CPT1A: variants seen among roughly 807,000 people sequenced by gnomAD.
CPT1A encodes the protein carnitine palmitoyltransferase 1A.
In CPT1A, 64 loss-of-function variants were observed where a neutral mutation model predicts 100.8. The observed-to-expected ratio is 0.63, with a 90% CI of 0.52 to 0.78. CPT1A has a LOEUF of 0.78. Among genes scored for constraint, CPT1A ranks in the 30% least tolerant of loss-of-function variants. CPT1A has a pLI of 0.00. For synonymous variants in CPT1A, 363 were observed against 396.0 expected (o/e 0.92, Z 0.99); for missense variants, 802 against 1,034.1 (o/e 0.78, Z 3.08).
rs1305603427 is a variant in CPT1A at position 68,784,858 on chromosome 11, G to A, written c.1120C>T (p.Gln374Ter). The part of the protein sequence containing the change: ...QRILDNTSEP[Q>*]PGEARLAALT... ...GCTGCCAGCCTGGCCTCCCCGGGCT[G>A]AGGCTCCGAGGTATTGTCCAGGATC... Residue 374 changes from glutamine to a stop codon, truncating the protein, a stop_gained, in exon 10 of 19, where the codon CAG becomes TAG. Coordinates refer to ENST00000265641, the MANE Select transcript of CPT1A (RefSeq NM_001876.4). LOFTEE classifies it high-confidence loss of function. 1 of 1,613,220 alleles carries A rather than the reference G, an allele frequency of 6.2e-7. No individual in the cohort carries two copies. The highest frequency in any genetic ancestry group is 8.5e-7 in the Non-Finnish European group (1 of 1,180,040).
intron 9 of CPT1A, among the ~76,000 whole-genome samples, chr11:68,791,108 G>A (rs1855601601): frequency 6.6e-6 from 1 of 152,206 alleles, no homozygotes; most frequent in South Asian, 2.1e-4. Context: ...ACAGGAATGA[G>A]CCTTTGTGCC....
intron 1 of CPT1A, among the ~76,000 whole-genome samples, chr11:68,826,441 CA>C (rs1225143166): frequency 8.4e-4 from 105 of 125,470 alleles, no homozygotes; most frequent in Admixed American, 3.3e-3. Flanking sequence ...GACTCCGTCT[CA>C]AAAAAAAAAA....
At chr11:68,802,347 A>T (rs1855924481) in intron 5 of CPT1A, among the ~76,000 whole-genome samples, 1 of 151,470 alleles carries the variant, frequency 6.6e-6, no homozygotes, top group South Asian at 2.1e-4. Flanking sequence ...TCAATTAAAG[A>T]AAAAAAAAGA....
intron 7 of CPT1A, 152 bp from the exon 8 acceptor site, chr11:68,795,063 G>C (rs1018183028): frequency 1.1e-5 from 8 of 699,938 alleles, no homozygotes; most frequent in Non-Finnish European, 1.8e-5. Context: ...CAAAATAAAT[G>C]GTAATTTGAT....
intron 14 of CPT1A, among the ~76,000 whole-genome samples, chr11:68,766,826 G>GAA (rs11306055): frequency 1.2e-3 from 171 of 138,436 alleles, no homozygotes; most frequent in African/African-American, 4.2e-3. Flanking sequence ...TATCAAGGAG[G>GAA]AAAAAAAAAA....
At chr11:68,767,230 C>T (rs866210373) in intron 14 of CPT1A, among the ~76,000 whole-genome samples, 63 of 152,368 alleles carry the variant, frequency 4.1e-4, no homozygotes, top group African/African-American at 1.5e-3. Flanking sequence ...CTATGAGCCA[C>T]AGTCTGCAGA....
upstream of CPT1A, among the ~76,000 whole-genome samples, chr11:68,843,123 C>T (rs980144001): frequency 2.0e-5 from 3 of 151,916 alleles, no homozygotes; most frequent in African/African-American, 7.3e-5. This position sits in a 1 kb window ranked among gnomAD's most constrained non-coding sequence, Gnocchi z 4.0. Context: ...CCTTTGATCC[C>T]GCCCCCCACC....
intron 9 of CPT1A, among the ~76,000 whole-genome samples, chr11:68,787,921 T>G: frequency 3.1e-5 from 4 of 128,076 alleles, no homozygotes; most frequent in African/African-American, 6.1e-5. Flanking sequence ...CCAGCCTGGG[T>G]GACAGAATGA....
At position 68,757,663 on chromosome 11, in the gene CPT1A, C is replaced by A; in HGVS notation, c.2303G>T (p.Ser768Ile). The A allele has an allele frequency of 1.2e-6, 2 of 1,614,144 alleles. No individual in the cohort carries two copies. The highest frequency in any genetic ancestry group is 1.7e-6 in the Non-Finnish European group (2 of 1,180,010). Reference protein sequence around the residue: ...MTDIITLFGLSSNSKK With the variant: ...MTDIITLFGLISNSKK ...GTGGAATTACTTTTTGGAATTAGAA[C>A]TGAGACCAAACAAAGTGATGATGTC... is the stretch of plus-strand genomic sequence containing the variant. The change falls in exon 19 of 19, where the codon AGT becomes ATT. Residue 768 changes from serine to isoleucine, a missense_variant. This residue lies in a region of CPT1A where 627 missense variants were observed against 799.3 expected (regional missense o/e 0.78). Transcript: ENST00000265641.
intron 18 of CPT1A, among the ~76,000 whole-genome samples, chr11:68,758,318 C>A (rs1946733145): frequency 6.6e-6 from 1 of 152,148 alleles, no homozygotes; most frequent in Non-Finnish European, 1.5e-5. Context: ...AACAAATAAA[C>A]CCCAACTTCC....
chr11:68,788,878 G>T (rs562261560), intron 9 of CPT1A, among the ~76,000 whole-genome samples: 1 of 152,248 alleles, frequency 6.6e-6, no homozygotes, highest in East Asian at 1.9e-4. Context: ...CACTTTGAGG[G>T]TAATTTGTCC....
intron 1 of CPT1A, among the ~76,000 whole-genome samples, chr11:68,822,194 A>G (rs910138702): frequency 6.6e-6 from 1 of 152,038 alleles, no homozygotes; most frequent in African/African-American, 2.4e-5. Context: ...CCTGCGCAAC[A>G]TGGCAAGCCC....
intron 13 of CPT1A, 71 bp from the exon 14 acceptor site, chr11:68,773,500 T>C (rs1299074712): frequency 6.8e-6 from 11 of 1,607,890 alleles, no homozygotes; most frequent in East Asian, 2.2e-5. Context: ...CAGAAGGAAA[T>C]TGGAGGCTGG....
chr11:68,825,867 G>A (rs1172392158), intron 1 of CPT1A, among the ~76,000 whole-genome samples: 1 of 152,152 alleles, frequency 6.6e-6, no homozygotes, highest in Non-Finnish European at 1.5e-5. Context: ...CTGAGTCACC[G>A]GAAACAAAGC....
At chr11:68,824,964 G>T (rs554472356) in intron 1 of CPT1A, among the ~76,000 whole-genome samples, 20 of 152,074 alleles carry the variant, frequency 1.3e-4, no homozygotes, top group Admixed American at 5.2e-4. Context: ...GCACCCAGCT[G>T]ATTTTTGTAT....
At chr11:68,794,355 T>C (rs532302683) in intron 8 of CPT1A, among the ~76,000 whole-genome samples, 1 of 152,256 alleles carries the variant, frequency 6.6e-6, no homozygotes, top group Admixed American at 6.5e-5. Flanking sequence ...GTGATGATGG[T>C]TTCTCAGATG....
At chr11:68,769,081 C>T (rs764943957) in intron 14 of CPT1A, among the ~76,000 whole-genome samples, 1 of 152,156 alleles carries the variant, frequency 6.6e-6, no homozygotes, top group African/African-American at 2.4e-5. Context: ...CTCCTTATTT[C>T]TCTTGGATTA....
At chr11:68,792,344 AT>A (rs756229534) in intron 9 of CPT1A, among the ~76,000 whole-genome samples, 1 of 152,054 alleles carries the variant, frequency 6.6e-6, no homozygotes, top group South Asian at 2.1e-4. Flanking sequence ...CTAAAAAAAA[AT>A]AAATAAATAA....
rs548867840 is a variant in CPT1A, at chr11:68,841,316, A to G, written c.-14+459T>C. Among the ~76,000 whole-genome samples the G allele has an allele frequency of 4.6e-5, 7 of 151,836 alleles. No individual in the cohort carries two copies. In the South Asian group the frequency reaches 1.5e-3, roughly 32 times the overall value. ...GGCCCCGGGCGAAGGCATCCTGGAA[A>G]GCATCCAGAGCGTCCAGCATCCCTC... On this transcript the variant is annotated intron_variant, in intron 1 of 18. Transcript: ENST00000265641. The surrounding 1 kb of genome is among the most constrained non-coding windows in gnomAD (Gnocchi z 6.3).
Sources: gnomAD v4.1 joint callset for allele counts (sites outside exome capture counted in the v4.1 genomes callset) on GRCh38, gnomAD v4.1.1 for gene constraint, gnomAD v4.1.1 regional missense constraint, Gnocchi (gnomAD v3.1) non-coding constraint, MANE v1.5 for transcripts, NCBI Gene and HGNC (gene_info 2026-07-23, HGNC 2026-07-21) for gene names.